The following FMR1 variants were observed in gnomAD, a reference collection of about 807,000 sequenced individuals.
The protein encoded by FMR1 is FMRP translational regulator 1.
In FMR1, 13 loss-of-function variants were observed where a neutral mutation model predicts 50.6. The observed-to-expected ratio is 0.26, with a 90% CI of 0.17 to 0.41. The LOEUF is 0.41. Ranked by LOEUF, FMR1 falls within the 10% of genes least tolerant of loss-of-function variation. The pLI, the probability that FMR1 is intolerant of heterozygous loss-of-function variation, is 1.00. For synonymous variants in FMR1, 138 were observed against 164.1 expected, an observed-to-expected ratio of 0.84 and a Z score of 1.22; for missense variants, 316 against 491.3, an observed-to-expected ratio of 0.64 and a Z score of 3.37.
intron 1 of FMR1, among the ~76,000 whole-genome samples, chrX:147,912,548 C>A: frequency 8.9e-6 from 1 of 112,842 alleles, no homozygotes; most frequent in Non-Finnish European, 1.9e-5. Flanking sequence ...GCGGGAAGGG[C>A]CGAAATCGGC....
At position 147,928,763 on chromosome X, in the gene FMR1, T is replaced by C. The variant is rs143611778; in HGVS notation, c.375T>C (p.Thr125=). Residue 125 remains threonine, a synonymous_variant, in exon 5 of 17, where the codon ACT becomes ACC. Transcript: ENST00000370475. ...CCAACAAACCTGCCACAAAAGATAC[T>C]TTCCATAAGATCAAGCTGGATGTGC... ...VNPNKPATKD[T]FHKIKLDVPE... 8.7e-4 allele frequency: 1,053 copies of C among 1,209,368 alleles called. No individual in the cohort carries two copies. The highest frequency in any genetic ancestry group is 1.0e-3 in the Non-Finnish European group (921 of 894,576).
intron 1 of FMR1, among the ~76,000 whole-genome samples, chrX:147,921,019 A>C (rs781956371): frequency 8.9e-6 from 1 of 111,952 alleles, no homozygotes; most frequent in African/African-American, 3.2e-5. Flanking sequence ...GAGTTTGGCT[A>C]TGGTCCTGCA....
intron 7 of FMR1, 42 bp downstream of exon 7, chrX:147,930,286 A>G (rs1382630645): frequency 1.3e-6 from 1 of 779,602 alleles, no homozygotes; most frequent in Admixed American, 2.2e-5. Flanking sequence ...GGTACCTAGG[A>G]ACGATTAACT....
chrX:147,914,645 A>G (rs188564603), intron 1 of FMR1, among the ~76,000 whole-genome samples: 2 of 112,152 alleles, frequency 1.8e-5, no homozygotes, highest in African/African-American at 6.5e-5. Flanking sequence ...TAAAAACTTA[A>G]AAGTTAGATT....
chrX:147,934,987 A>G (rs1158173423), intron 9 of FMR1, among the ~76,000 whole-genome samples: 1 of 112,094 alleles, frequency 8.9e-6, no homozygotes, highest in Non-Finnish European at 1.9e-5. Context: ...ATGACTATTC[A>G]GTCAGCTATA....
In FMR1 at chrX:147,948,806, G is replaced by A. The variant is rs376406395; in HGVS notation, c.1861G>A (p.Val621Met). 8 of 1,209,663 alleles carry A rather than the reference G, an allele frequency of 6.6e-6. 1 individual carries two copies. The highest frequency in any genetic ancestry group is 3.5e-5 in the South Asian group (2 of 56,812). ...CCAGAAGAAAGAGAAGCCAGACAGC[G>A]TGGATGGTCAGCAACCACTCGTGAA... ...RNQKKEKPDS[V>M]DGQQPLVNGV... Residue 621 changes from valine (V) to methionine (M), a missense_variant, in exon 17 of 17, where the codon GTG (valine) becomes ATG (methionine). This residue lies in a region of FMR1 where 124 missense variants were observed against 160.8 expected (regional missense o/e 0.77). Transcript: ENST00000370475.
intron 9 of FMR1, among the ~76,000 whole-genome samples, chrX:147,933,238 G>A (rs941085775): frequency 9.0e-5 from 10 of 110,541 alleles, no homozygotes; most frequent in African/African-American, 3.3e-4. Context: ...TACCTGAAAG[G>A]ATAAATCTTG....
Position 147,945,584 on chromosome X carries a change from G to T in FMR1, c.1705G>T (p.Ala569Ser), listed in dbSNP as rs781805235. The T allele has an allele frequency of 2.5e-6, 3 of 1,208,304 alleles. No homozygotes were observed. Among genetic ancestry groups the T allele is most frequent in the Non-Finnish European group, 3.4e-6 (3 of 892,193 alleles). Residue 569 changes from alanine (A) to serine (S), a missense_variant, in exon 16 of 17, where the codon GCT (alanine) becomes TCT (serine). Ala to Ser is a moderately conservative substitution (Grantham distance 99). Around this residue, in one of 4 missense-constraint regions of FMR1, gnomAD observed 124 missense variants for 160.8 expected, o/e 0.77. Coordinates refer to ENST00000370475, the MANE Select transcript of FMR1 (RefSeq NM_002024.6). ...TDNRPRNPREAKGRTTDGSLQ... is the reference protein window; with the variant it reads ...TDNRPRNPRESKGRTTDGSLQ... ...TAATCGTCCACGTAATCCAAGAGAGGCTAAAGGAAGAACAACAGATGGATC... is the reference window on the plus strand; with the variant it reads ...TAATCGTCCACGTAATCCAAGAGAGTCTAAAGGAAGAACAACAGATGGATC...
At chrX:147,939,098 T>A (rs2043889883) in intron 12 of FMR1, among the ~76,000 whole-genome samples, 1 of 112,391 alleles carries the variant, frequency 8.9e-6, no homozygotes, top group South Asian at 3.7e-4. Context: ...GTAGCATTCA[T>A]TCCATCACAT....
At position 147,948,909 on chromosome X, in the gene FMR1, C is replaced by G; in HGVS notation, c.*65C>G. The G allele has an allele frequency of 9.4e-7, 1 of 1,068,379 alleles. No homozygotes were observed. The highest frequency in any genetic ancestry group is 3.0e-5 in the East Asian group (1 of 32,967). The allele number at this position is 1,068,379 out of a possible 1,213,427, so 88.0% of individuals were successfully genotyped here. ...GTAATTCTTATTCCATATTAGAAAA[C>G]TTTGTTAGGCCAAAGACAAATAGTA... On this transcript the variant is annotated 3_prime_UTR_variant, in exon 17 of 17. Transcript: ENST00000370475.
chrX:147,929,953 C>T lies in FMR1; in HGVS notation c.425C>T (p.Ala142Val). ...TTTTTTTTTTAAATTTCTAGGTGTG[C>T]CAAAGAGGCGGCACATAAGGATTTT... ...DVPEDLRQMC[A>V]KEAAHKDFKK... The change falls in exon 6 of 17, where the codon GCC becomes GTC. Residue 142 changes from alanine to valine, a missense_variant. Ala to Val is a moderately conservative substitution (Grantham distance 64). Transcript: ENST00000370475. The T allele has an allele frequency of 8.4e-7, 1 of 1,190,732 alleles. No homozygotes were observed.
chrX:147,936,604 A>C lies in FMR1; in HGVS notation c.981A>C (p.Pro327=). The C allele has an allele frequency of 8.8e-7, 1 of 1,134,447 alleles. No homozygotes were observed. The highest frequency in any genetic ancestry group is 1.2e-6 in the Non-Finnish European group (1 of 824,704). The allele number at this position is 1,134,447 out of a possible 1,213,427, so 93.5% of individuals were successfully genotyped here. A position where few individuals can be genotyped will look rare whatever the true frequency, so the allele number is the denominator to read the frequency against. The change falls in exon 10 of 17, where the codon CCA becomes CCC. Residue 327 remains proline, a synonymous_variant. Transcript: ENST00000370475. ...RIEAENEKNV[P]QEEEIMPPNS... ...AGGCTGAAAATGAGAAAAATGTTCC[A>C]CAAGAAGAGGTATGTTACAGTGCGA...
chrX:147,924,799 C>T (rs1291993773), intron 2 of FMR1: 1 of 109,484 alleles, frequency 9.1e-6, no homozygotes, highest in African/African-American at 3.3e-5. Flanking sequence ...GGATTATAGG[C>T]TTGAGCCACC....
chrX:147,933,501 T>C, intron 9 of FMR1: 3 of 945,221 alleles, frequency 3.2e-6, no homozygotes, highest in Non-Finnish European at 4.0e-6. Flanking sequence ...ATAGTAATTC[T>C]TCATTTTGAC....
At position 147,943,312 on chromosome X, in the gene FMR1, C is replaced by T; in HGVS notation, c.1457C>T (p.Pro486Leu). ...AATAGGGGGCACGGCAGACGCGGTC[C>T]TGGATATACTTCAGGTACAAACTAA... ...YRNRGHGRRG[P>L]GYTSGTNSEA... The change falls in exon 14 of 17, where the codon CCT (proline) becomes CTT (leucine). Residue 486 changes from proline to leucine, a missense_variant. Physicochemically the swap from Pro to Leu is moderately conservative, Grantham distance 98. This residue lies in a region of FMR1 where 124 missense variants were observed against 160.8 expected (regional missense o/e 0.77). Transcript: ENST00000370475. 8.3e-7 allele frequency: 1 copy of T among 1,206,881 alleles called. No homozygotes were observed. The highest frequency in any genetic ancestry group is 1.1e-6 in the Non-Finnish European group (1 of 891,248).
chrX:147,939,423 A>G, intron 12 of FMR1, among the ~76,000 whole-genome samples: 1 of 111,655 alleles, frequency 9.0e-6, no homozygotes. Flanking sequence ...TGAAATGTGT[A>G]TGGGCTTGAT....
intron 16 of FMR1, chrX:147,947,089 G>A (rs782785405): frequency 9.0e-6 from 1 of 110,968 alleles, no homozygotes; most frequent in East Asian, 2.8e-4. Context: ...AATTTAAAAG[G>A]TGATGTTTTC....
intron 12 of FMR1, 156 bp from the exon 13 acceptor site, chrX:147,940,420 A>G (rs782133807): frequency 4.1e-5 from 20 of 488,029 alleles, no homozygotes; most frequent in South Asian, 2.0e-4. Context: ...TAGTATATCA[A>G]CTACTTTTGT....
intron 14 of FMR1, 72 bp from the exon 15 acceptor site, chrX:147,944,797 G>A: frequency 2.6e-6 from 3 of 1,137,027 alleles, no homozygotes; most frequent in Non-Finnish European, 3.5e-6. Flanking sequence ...AACGTCTCTG[G>A]AAGCTTCTGT....
Sources: gnomAD v4.1 joint callset for allele counts (sites outside exome capture counted in the v4.1 genomes callset) on GRCh38, gnomAD v4.1.1 for gene constraint, gnomAD v4.1.1 regional missense constraint, MANE v1.5 for transcripts, NCBI Gene and HGNC (gene_info 2026-07-23, HGNC 2026-07-21) for gene names.